Variants in STX1B observed in about 807,000 individuals in gnomAD.
STX1B encodes the protein syntaxin 1B.
Under a neutral mutation model 39.4 loss-of-function variants are expected in STX1B, and 7 were observed. The ratio of observed to expected loss-of-function variants is 0.18; its 90% CI spans 0.10 to 0.33. STX1B has a LOEUF of 0.33. Ranked by LOEUF, STX1B falls within the 10% of genes least tolerant of loss-of-function variation. The pLI, the probability that STX1B is intolerant of heterozygous loss-of-function variation, is 1.00. For synonymous variants in STX1B, 136 were observed against 144.1 expected, an observed-to-expected ratio of 0.94 and a Z score of 0.40; for missense variants, 198 against 383.2, an observed-to-expected ratio of 0.52 and a Z score of 4.04.
chr16:30,992,570 C>T lies in STX1B; in HGVS notation c.*251G>A, dbSNP rs898566895. The T allele has an allele frequency of 1.3e-5, 6 of 476,026 alleles. No homozygotes were observed. Among genetic ancestry groups the T allele is most frequent in the Admixed American group, 3.8e-5 (1 of 26,108 alleles). The allele number at this position is 476,026 out of a possible 1,614,324, so 29.5% of individuals were successfully genotyped here. On this transcript the variant is annotated 3_prime_UTR_variant, in exon 10 of 10. Transcript: ENST00000215095. ...CGCACGCTGGGGTGTCCACACGTCT[C>T]GAGCATGTGCCGGCGGCATGCATGT...
In STX1B at chr16:31,001,407, G is replaced by A; in HGVS notation, c.105+122C>T. 1.1e-6 allele frequency: 1 copy of A among 873,226 alleles called. No individual in the cohort carries two copies. The highest frequency in any genetic ancestry group is 1.6e-5 in the South Asian group (1 of 61,474). 54.1% of individuals were successfully genotyped at this position (873,226 alleles called of 1,614,324 possible). On this transcript the variant is annotated intron_variant, in intron 2 of 9. Coordinates refer to ENST00000215095, the MANE Select transcript of STX1B (RefSeq NM_052874.5). This position sits in a 1 kb window ranked among gnomAD's most constrained non-coding sequence, Gnocchi z 5.5. The stretch of plus-strand genomic sequence containing the variant: ...GGCTGCGGCTGGGCGGTGGGACTAG[G>A]GGCTGGGGCTGGGTGCTGGGGCTGG...
Position 31,001,467 on chromosome 16 carries a change from C to T in STX1B, c.105+62G>A. On this transcript the variant is annotated intron_variant, in intron 2 of 9. Transcript: ENST00000215095. The surrounding 1 kb of genome is among the most constrained non-coding windows in gnomAD (Gnocchi z 5.5). Reference sequence around the variant, plus strand: ...CCGGGGCTGAGGCTGGGCGGTGGGACTAGGGGCTGGGGCTGGGTGCTGGGG... The same window carrying T: ...CCGGGGCTGAGGCTGGGCGGTGGGATTAGGGGCTGGGGCTGGGTGCTGGGG... 7.9e-7 allele frequency: 1 copy of T among 1,259,740 alleles called. No individual in the cohort carries two copies. Among genetic ancestry groups the T allele is most frequent in the Non-Finnish European group, 1.1e-6 (1 of 926,800 alleles). The allele number at this position is 1,259,740 out of a possible 1,614,324, so 78.0% of individuals were successfully genotyped here.
rs1311240614 is a variant in STX1B, at chr16:30,992,913, AGAG to A, written c.787-15_787-13del. On this transcript the variant is annotated splice_polypyrimidine_tract_variant and intron_variant, in intron 9 of 9. Transcript: ENST00000215095. ...ATCATGATTTTCTTCTGCAGCAGAA[AGAG>A]GAGTGAGACAGGCAGACAGTGAGAG... 4 of 1,611,526 alleles carry A rather than the reference AGAG, an allele frequency of 2.5e-6. No homozygotes were observed. In the African/African-American group the frequency reaches 5.3e-5, roughly 22 times the overall value.
At chr16:30,999,058 C>T (rs749183849) in intron 4 of STX1B, among the ~76,000 whole-genome samples, 2 of 152,170 alleles carry the variant, frequency 1.3e-5, no homozygotes, top group Admixed American at 6.5e-5. Context: ...CTCCACCCCC[C>T]ACCCCCAAAA....
chr16:30,995,156 T>G (rs2056585615), intron 7 of STX1B, among the ~76,000 whole-genome samples: 1 of 152,158 alleles, frequency 6.6e-6, no homozygotes, highest in Admixed American at 6.5e-5. Context: ...ACATTTTTTT[T>G]GTAGAGATGG....
rs375985993 is a variant in STX1B, at chr16:30,997,369, C to T, written c.354+133G>A. Reference sequence around the variant, plus strand: ...CCCAGGGCCCCGCCCGCTCTAGCCTCGCCCCCAGAGCCCCGCCCCAGCCCT... The same window carrying T: ...CCCAGGGCCCCGCCCGCTCTAGCCTTGCCCCCAGAGCCCCGCCCCAGCCCT... On this transcript the variant is annotated intron_variant, in intron 5 of 9. Coordinates refer to ENST00000215095, the MANE Select transcript of STX1B (RefSeq NM_052874.5). The T allele has an allele frequency of 1.3e-5, 10 of 776,060 alleles. No homozygotes were observed. In the African/African-American group the frequency reaches 1.4e-4, roughly 11 times the overall value. 48.1% of individuals were successfully genotyped at this position (776,060 alleles called of 1,614,324 possible).
Position 31,010,534 on chromosome 16 carries a change from C to T in STX1B, c.-138G>A. 4.6e-6 allele frequency: 1 copy of T among 217,108 alleles called. No homozygotes were observed. The highest frequency in any genetic ancestry group is 8.1e-6 in the Non-Finnish European group (1 of 123,980). The allele number at this position is 217,108 out of a possible 1,614,324, so 13.4% of individuals were successfully genotyped here. ...GCTGCGGGGGGCCTGCGGGCGGGGG[C>T]GGGGCCGGGGGCGACTGGCCGAGGG... is the stretch of plus-strand genomic sequence containing the variant. On this transcript the variant is annotated 5_prime_UTR_variant, in exon 1 of 10. Coordinates refer to ENST00000215095, the MANE Select transcript of STX1B (RefSeq NM_052874.5).
chr16:30,997,930 G>A (rs2056604422), intron 4 of STX1B, among the ~76,000 whole-genome samples: 1 of 152,214 alleles, frequency 6.6e-6, no homozygotes, highest in Admixed American at 6.5e-5. Context: ...CCGCGTGAAG[G>A]GGCCATGTAT....
In STX1B at chr16:30,990,425, AC is replaced by A. The variant is rs1307674152; in HGVS notation, c.*2395del. 6.6e-6 allele frequency: 1 copy of A among 152,252 alleles called. No individual in the cohort carries two copies. Among genetic ancestry groups the A allele is most frequent in the Admixed American group, 6.5e-5 (1 of 15,286 alleles). The allele number at this position is 152,252 out of a possible 1,614,324, so 9.4% of individuals were successfully genotyped here. A position where few individuals can be genotyped will look rare whatever the true frequency, so the allele number is the denominator to read the frequency against. On this transcript the variant is annotated 3_prime_UTR_variant, in exon 10 of 10. Coordinates refer to ENST00000215095, the MANE Select transcript of STX1B (RefSeq NM_052874.5). ...GGGTTACGCACGTGGCCACACTGACACACACACAGGACAAGGGAGAGCTCGG... is the reference window on the plus strand; with the variant it reads ...GGGTTACGCACGTGGCCACACTGACAACACACAGGACAAGGGAGAGCTCGG...
intron 5 of STX1B, 79 bp downstream of exon 5, chr16:30,997,423 C>A (rs1198597310): frequency 6.1e-6 from 7 of 1,152,824 alleles, no homozygotes; most frequent in Admixed American, 4.3e-5. Context: ...CGGTGCTTGG[C>A]CCTGGCCCGC....
Position 30,993,095 on chromosome 16 carries a change from CCCCCGCCTACCCCCAGGCCGCCTG to C in STX1B, c.786+11_786+34del. 6.3e-7 allele frequency: 1 copy of C among 1,598,800 alleles called. No homozygotes were observed. Among genetic ancestry groups the C allele is most frequent in the Non-Finnish European group, 8.6e-7 (1 of 1,166,128 alleles). On this transcript the variant is annotated intron_variant, in intron 9 of 9. Transcript: ENST00000215095. ...CTCAGCCCGGGCTCAGCCTTGGGCT[CCCCCGCCTACCCCCAGGCCGCCTG>C]CCCCGCTCACCCTCCGGGCCTTGCT... is the stretch of plus-strand genomic sequence containing the variant.
chr16:30,990,653 A>C lies in STX1B; in HGVS notation c.*2168T>G, dbSNP rs1596712384. 1 of 152,218 alleles carries C rather than the reference A, an allele frequency of 6.6e-6. No homozygotes were observed. The highest frequency in any genetic ancestry group is 1.5e-5 in the Non-Finnish European group (1 of 68,046). The allele number at this position is 152,218 out of a possible 1,614,324, so 9.4% of individuals were successfully genotyped here. ...GCACACATAAGCCCCATGCCAGGGC[A>C]TGGCACATTTGTGTACTTGTGTGTT... On this transcript the variant is annotated 3_prime_UTR_variant, in exon 10 of 10. Transcript: ENST00000215095.
intron 7 of STX1B, 78 bp downstream of exon 7, chr16:30,996,605 G>T (rs1216567652): frequency 6.1e-6 from 8 of 1,307,892 alleles, no homozygotes; most frequent in Non-Finnish European, 7.6e-6. Context: ...GGTGGACTTA[G>T]GACCTTAGTT....
chr16:31,001,143 C>T lies in STX1B; in HGVS notation c.156G>A (p.Gln52=), dbSNP rs1567379423. 1 of 1,614,162 alleles carries T rather than the reference C, an allele frequency of 6.2e-7. No homozygotes were observed. Among genetic ancestry groups the T allele is most frequent in the South Asian group, 1.1e-5 (1 of 91,082 alleles). The change falls in exon 3 of 10, where the codon CAG becomes CAA. Residue 52 remains glutamine (Q), a synonymous_variant. Transcript: ENST00000215095. This position sits in a 1 kb window ranked among gnomAD's most constrained non-coding sequence, Gnocchi z 5.5. The part of the protein sequence containing the change: ...CIEKLSEDVE[Q]VKKQHSAILA... ...GGATGGCGCTATGCTGTTTTTTCAC[C>T]TGCTCCACATCCTCCGACAGTTTCT...
Position 30,991,600 on chromosome 16 carries a change from G to A in STX1B, c.*1221C>T, listed in dbSNP as rs2056558536. 1 of 152,554 alleles carries A rather than the reference G, an allele frequency of 6.6e-6. No individual in the cohort carries two copies. Among genetic ancestry groups the A allele is most frequent in the Non-Finnish European group, 1.5e-5 (1 of 68,190 alleles). 9.5% of individuals were successfully genotyped at this position (152,554 alleles called of 1,614,324 possible). A position where few individuals can be genotyped will look rare whatever the true frequency, so the allele number is the denominator to read the frequency against. On this transcript the variant is annotated 3_prime_UTR_variant, in exon 10 of 10. Transcript: ENST00000215095. Reference sequence around the variant, plus strand: ...ACACATCATGTAGGCCAGGCGTGGTGGCTCAGGCCTGTAATGCCAGCACTT... The same window carrying A: ...ACACATCATGTAGGCCAGGCGTGGTAGCTCAGGCCTGTAATGCCAGCACTT...
intron 4 of STX1B, among the ~76,000 whole-genome samples, chr16:31,000,014 T>C (rs2056616164): frequency 6.6e-6 from 1 of 151,972 alleles, no homozygotes; most frequent in South Asian, 2.1e-4. Context: ...TTTTTTTTTT[T>C]TGAGAAAGAG....
At chr16:30,999,927 A>C (rs1253981294) in intron 4 of STX1B, among the ~76,000 whole-genome samples, 2 of 152,104 alleles carry the variant, frequency 1.3e-5, no homozygotes, top group African/African-American at 2.4e-5. Flanking sequence ...CTGACTGTTT[A>C]ATAATCTGGC....
intron 9 of STX1B, 35 bp from the exon 10 acceptor site, chr16:30,992,936 TGA>T (rs766214584): frequency 1.3e-6 from 2 of 1,572,198 alleles, no homozygotes; most frequent in East Asian, 2.2e-5. Flanking sequence ...AGGCAGACAG[TGA>T]GAGAGATCGA....
In STX1B at chr16:30,990,791, A is replaced by G. The variant is rs533093287; in HGVS notation, c.*2030T>C. On this transcript the variant is annotated 3_prime_UTR_variant, in exon 10 of 10. Transcript: ENST00000215095. The stretch of plus-strand genomic sequence containing the variant: ...ATTGTGCCTGTGCTGGCTACACAAC[A>G]GGGGAGGTGCTAGCCCCTTCCTCAC... 2 of 152,218 alleles carry G rather than the reference A, an allele frequency of 1.3e-5. No individual in the cohort carries two copies. Among genetic ancestry groups the G allele is most frequent in the Non-Finnish European group, 2.9e-5 (2 of 68,046 alleles). The allele number at this position is 152,218 out of a possible 1,614,324, so 9.4% of individuals were successfully genotyped here.
Sources: gnomAD v4.1 joint callset for allele counts (sites outside exome capture counted in the v4.1 genomes callset) on GRCh38, gnomAD v4.1.1 for gene constraint, Gnocchi (gnomAD v3.1) non-coding constraint, MANE v1.5 for transcripts, NCBI Gene and HGNC (gene_info 2026-07-23, HGNC 2026-07-21) for gene names.